The following CDIN1 variants were observed in gnomAD, a reference collection of about 807,000 sequenced individuals.
The protein encoded by CDIN1 is CDAN1-interacting nuclease 1.
CDIN1 carries 33 observed loss-of-function variants against 45.3 expected under a neutral mutation model. The ratio of observed to expected loss-of-function variants is 0.73; its 90% confidence interval spans 0.55 to 0.97. The LOEUF is 0.97. Among genes scored for constraint, CDIN1 ranks in the 50% least tolerant of loss-of-function variants. The pLI is 0.00. For missense variants in CDIN1, 303 were observed against 339.4 expected (o/e 0.89, Z 0.84); for synonymous variants, 118 against 124.4 (o/e 0.95, Z 0.34).
intron 10 of CDIN1, among the ~76,000 whole-genome samples, chr15:36,771,492 G>T (rs1037748269): frequency 6.6e-6 from 1 of 152,178 alleles, no homozygotes; most frequent in Non-Finnish European, 1.5e-5. Context: ...CCAGCCAATT[G>T]TGGTGCACAG....
chr15:36,671,948 A>T (rs536980909), intron 5 of CDIN1, among the ~76,000 whole-genome samples: 1 of 152,240 alleles, frequency 6.6e-6, no homozygotes, highest in East Asian at 1.9e-4. Flanking sequence ...AGGGATAAAA[A>T]TGTGCACTGT....
intron 1 of CDIN1, among the ~76,000 whole-genome samples, chr15:36,634,004 G>A (rs975812920): frequency 1.3e-5 from 2 of 151,282 alleles, no homozygotes; most frequent in African/African-American, 2.4e-5. Flanking sequence ...TGCTCGCCTC[G>A]GCCTCCCAAA....
chr15:36,691,056 G>T (rs1469003716), intron 5 of CDIN1: 3 of 461,740 alleles, frequency 6.5e-6, no homozygotes, highest in Non-Finnish European at 1.3e-5. Context: ...TTGTGTGTGT[G>T]TGTCTCTCTC....
chr15:36,651,948 T>C (rs1306342540), intron 3 of CDIN1, among the ~76,000 whole-genome samples: 1 of 152,248 alleles, frequency 6.6e-6, no homozygotes. Flanking sequence ...AGGATAATGA[T>C]TGATGCAACT....
intron 1 of CDIN1, among the ~76,000 whole-genome samples, chr15:36,607,343 T>A (rs1240403082): frequency 6.6e-6 from 1 of 152,152 alleles, no homozygotes; most frequent in African/African-American, 2.4e-5. Context: ...TGAAGAACAT[T>A]GATGATATAG....
At chr15:36,642,793 G>A (rs1471725722) in intron 1 of CDIN1, among the ~76,000 whole-genome samples, 1 of 152,058 alleles carries the variant, frequency 6.6e-6, no homozygotes, top group Admixed American at 6.6e-5. Flanking sequence ...CTTTTTTGAA[G>A]CACAAAGAAT....
At chr15:36,769,375 C>T (rs2054007848) in intron 10 of CDIN1, among the ~76,000 whole-genome samples, 1 of 152,140 alleles carries the variant, frequency 6.6e-6, no homozygotes, top group African/African-American at 2.4e-5. Context: ...AGGCCAGCCG[C>T]CTAGAAACTC....
chr15:36,707,003 G>T (rs1595499523), intron 8 of CDIN1: 1 of 151,816 alleles, frequency 6.6e-6, no homozygotes, highest in East Asian at 1.9e-4. Flanking sequence ...TCCTACCCTG[G>T]TACCATCATT....
intron 5 of CDIN1, among the ~76,000 whole-genome samples, chr15:36,686,240 A>G (rs2042038814): frequency 6.6e-6 from 1 of 151,658 alleles, no homozygotes; most frequent in African/African-American, 2.4e-5. Flanking sequence ...ATAAAAAATG[A>G]TGAGTTCGTG....
At chr15:36,711,502 G>A (rs1437952467) in intron 10 of CDIN1, among the ~76,000 whole-genome samples, 1 of 152,078 alleles carries the variant, frequency 6.6e-6, no homozygotes, top group Non-Finnish European at 1.5e-5. Flanking sequence ...ATAGATTTAG[G>A]GATTATTGAC....
intron 10 of CDIN1, among the ~76,000 whole-genome samples, chr15:36,731,197 G>A (rs1027164007): frequency 2.0e-5 from 3 of 152,044 alleles, no homozygotes; most frequent in Non-Finnish European, 4.4e-5. Context: ...TAAAGAAAGT[G>A]ATTTATGGGA....
intron 10 of CDIN1, among the ~76,000 whole-genome samples, chr15:36,800,585 T>C (rs991357369): frequency 1.3e-5 from 2 of 152,114 alleles, no homozygotes; most frequent in Non-Finnish European, 2.9e-5. Flanking sequence ...AACAAGTGCA[T>C]AACCAATCTA....
intron 1 of CDIN1, chr15:36,618,732 T>C (rs1037965218): frequency 2.6e-6 from 2 of 771,310 alleles, no homozygotes; most frequent in African/African-American, 3.6e-5. Flanking sequence ...CATGTGCAGC[T>C]GAGCCTACTG....
intron 1 of CDIN1, chr15:36,618,655 C>T (rs1260474469): frequency 1.2e-6 from 1 of 818,678 alleles, no homozygotes; most frequent in Non-Finnish European, 2.2e-6. Flanking sequence ...AGTTAGTTGC[C>T]CAGTGCCTGC....
intron 4 of CDIN1, among the ~76,000 whole-genome samples, chr15:36,657,210 G>A (rs1330971186): frequency 2.6e-5 from 4 of 151,928 alleles, no homozygotes; most frequent in African/African-American, 4.8e-5. Flanking sequence ...AGATAAGGAC[G>A]GTGATCTTAT....
intron 5 of CDIN1, among the ~76,000 whole-genome samples, chr15:36,659,969 T>TTC (rs2040939238): frequency 7.0e-6 from 1 of 143,568 alleles, no homozygotes; most frequent in African/African-American, 2.6e-5. Context: ...TCCTTTTCTT[T>TTC]TTTTTTTTTT....
chr15:36,643,501 C>T (rs1334732269), intron 1 of CDIN1, among the ~76,000 whole-genome samples: 1 of 152,194 alleles, frequency 6.6e-6, no homozygotes, highest in Non-Finnish European at 1.5e-5. Flanking sequence ...TTAGACGTGT[C>T]TGTAAAGGAC....
intron 5 of CDIN1, among the ~76,000 whole-genome samples, chr15:36,690,394 G>A (rs1437840570): frequency 1.3e-5 from 2 of 150,858 alleles, no homozygotes; most frequent in East Asian, 2.0e-4. Flanking sequence ...TCAGCCTCCC[G>A]AGTAGCTGGG....
At chr15:36,798,385 G>A (rs1237839288) in intron 10 of CDIN1, among the ~76,000 whole-genome samples, 4 of 151,974 alleles carry the variant, frequency 2.6e-5, no homozygotes, top group Non-Finnish European at 5.9e-5. Flanking sequence ...GCAAAATTGG[G>A]ATGTTTTGCT....
Sources: allele counts gnomAD v4.1 joint callset (sites outside exome capture counted in the v4.1 genomes callset), GRCh38; gene constraint gnomAD v4.1.1; transcripts MANE v1.5; gene names NCBI Gene and HGNC (gene_info 2026-07-23, HGNC 2026-07-21).